The following THSD7B variants were observed in gnomAD, a reference collection of about 807,000 sequenced individuals.
The protein encoded by THSD7B is thrombospondin type 1 domain containing 7B, also known as thrombospondin type-1 domain-containing protein 7B.
In THSD7B, 138 loss-of-function variants were observed where a neutral mutation model predicts 213.6. That is an observed-to-expected ratio of 0.65 (90% confidence interval 0.56 to 0.74). The LOEUF (loss-of-function observed/expected upper bound fraction) is 0.74. THSD7B is among the 30% of genes least tolerant of loss of function. THSD7B has a pLI of 0.00. For missense variants in THSD7B, 1,931 were observed against 1,991.5 expected, an observed-to-expected ratio of 0.97 and a Z score of 0.58; for synonymous variants, 742 against 687.0, an observed-to-expected ratio of 1.08 and a Z score of -1.25.
intron 2 of THSD7B, among the ~76,000 whole-genome samples, chr2:137,038,355 G>A (rs915649059): frequency 1.1e-4 from 16 of 152,224 alleles, no homozygotes; most frequent in African/African-American, 3.9e-4. Flanking sequence ...CCTATCTGAT[G>A]AAGAAGAGCC....
chr2:137,020,701 G>A (rs1420534289), intron 2 of THSD7B, among the ~76,000 whole-genome samples: 1 of 152,116 alleles, frequency 6.6e-6, no homozygotes, highest in Middle Eastern at 3.2e-3. Context: ...GCACTCCTTC[G>A]CTTTGCCCCG....
intron 10 of THSD7B, among the ~76,000 whole-genome samples, chr2:137,251,994 C>T (rs900057856): frequency 2.0e-5 from 3 of 151,994 alleles, no homozygotes; most frequent in Non-Finnish European, 4.4e-5. Context: ...CTTGGCTGGG[C>T]GCAGTGGCTC....
intron 2 of THSD7B, among the ~76,000 whole-genome samples, chr2:137,031,982 G>C (rs1686682667): frequency 6.6e-6 from 1 of 152,014 alleles, no homozygotes; most frequent in East Asian, 1.9e-4. Flanking sequence ...TGGGACTACA[G>C]GCATGCTCCA....
At chr2:137,149,953 A>G (rs536974999) in intron 5 of THSD7B, among the ~76,000 whole-genome samples, 41 of 152,320 alleles carry the variant, frequency 2.7e-4, no homozygotes, top group Non-Finnish European at 5.4e-4. Flanking sequence ...TTGAAATGTG[A>G]AGACATGGCT....
intron 1 of THSD7B, among the ~76,000 whole-genome samples, chr2:136,790,537 G>C (rs1264581688): frequency 6.6e-6 from 1 of 152,040 alleles, no homozygotes; most frequent in Non-Finnish European, 1.5e-5. Flanking sequence ...GTAGGTAATA[G>C]AGCTTTCAAT....
chr2:137,112,621 GC>G (rs1247224395), intron 4 of THSD7B, among the ~76,000 whole-genome samples: 1 of 152,028 alleles, frequency 6.6e-6, no homozygotes, highest in African/African-American at 2.4e-5. Context: ...TTTCAAACAA[GC>G]AAAAAATAAC....
chr2:137,330,003 A>G (rs1684462126), intron 12 of THSD7B, among the ~76,000 whole-genome samples: 1 of 152,180 alleles, frequency 6.6e-6, no homozygotes, highest in Non-Finnish European at 1.5e-5. Flanking sequence ...GGCATGGCTA[A>G]AAGGGGCCAA....
chr2:137,577,572 T>C (rs1284896081), intron 17 of THSD7B, among the ~76,000 whole-genome samples: 1 of 152,088 alleles, frequency 6.6e-6, no homozygotes, highest in African/African-American at 2.4e-5. Context: ...AACATTATGA[T>C]GGGCCCTATA....
intron 7 of THSD7B, among the ~76,000 whole-genome samples, chr2:137,220,263 A>G (rs1681340064): frequency 6.6e-6 from 1 of 152,120 alleles, no homozygotes; most frequent in Non-Finnish European, 1.5e-5. Context: ...AGACTCTAAA[A>G]GGACATTTTC....
In THSD7B at chr2:137,202,789, A is replaced by G. The variant is rs544878733; in HGVS notation, c.1724-28255A>G. On this transcript the variant is annotated intron_variant, in intron 7 of 27. Transcript: ENST00000409968. The stretch of plus-strand genomic sequence containing the variant: ...GGTGGTAAGTCAAGTCTCTCCAATT[A>G]CATCTCTCTGGGATCTCAACTTCCA... 1.7e-4 allele frequency among the ~76,000 whole-genome samples: 26 copies of G among 152,260 alleles called. No homozygotes were observed. The South Asian group carries it at 3.9e-3, about 23-fold the overall frequency.
At chr2:137,469,824 G>A (rs183338228) in intron 15 of THSD7B, among the ~76,000 whole-genome samples, 8 of 152,246 alleles carry the variant, frequency 5.3e-5, no homozygotes, top group Non-Finnish European at 7.4e-5. Context: ...TGTAAGAGAT[G>A]CTTCAATGCT....
chr2:137,003,627 C>A (rs184853976), intron 2 of THSD7B, among the ~76,000 whole-genome samples: 16 of 152,136 alleles, frequency 1.1e-4, no homozygotes, highest in Admixed American at 1.0e-3. Context: ...ATTCTGACTT[C>A]CATTTGGGTC....
intron 15 of THSD7B, among the ~76,000 whole-genome samples, chr2:137,502,076 A>G (rs1305802297): frequency 1.3e-5 from 2 of 152,218 alleles, no homozygotes; most frequent in Non-Finnish European, 2.9e-5. Flanking sequence ...AATGATGTGT[A>G]GTGAAATGTT....
chr2:137,182,453 T>C (rs1402855094), intron 7 of THSD7B, among the ~76,000 whole-genome samples: 1 of 152,162 alleles, frequency 6.6e-6, no homozygotes, highest in Non-Finnish European at 1.5e-5. Flanking sequence ...CTATAGTGTA[T>C]GAAGCTGCCT....
At chr2:136,778,565 A>G (rs986619722) in intron 1 of THSD7B, among the ~76,000 whole-genome samples, 5 of 152,166 alleles carry the variant, frequency 3.3e-5, no homozygotes, top group African/African-American at 4.8e-5. Flanking sequence ...AGGGGCTCCA[A>G]AGTTCTATGA....
At chr2:136,808,364 T>A (rs1172081910) in intron 1 of THSD7B, among the ~76,000 whole-genome samples, 1 of 152,242 alleles carries the variant, frequency 6.6e-6, no homozygotes, top group Admixed American at 6.5e-5. Context: ...TGCCCATTCC[T>A]TCCTGGTTTA....
intron 15 of THSD7B, among the ~76,000 whole-genome samples, chr2:137,460,752 C>A (rs953966504): frequency 6.6e-6 from 1 of 152,022 alleles, no homozygotes; most frequent in Non-Finnish European, 1.5e-5. Context: ...TCATTAGGTA[C>A]ACAACTCTAT....
At chr2:136,793,342 G>A (rs1406585771) in intron 1 of THSD7B, among the ~76,000 whole-genome samples, 1 of 151,914 alleles carries the variant, frequency 6.6e-6, no homozygotes, top group Non-Finnish European at 1.5e-5. Context: ...ATGAAGTTGA[G>A]CATATTTTCA....
chr2:136,857,160 GC>G (rs1394053471), intron 1 of THSD7B, among the ~76,000 whole-genome samples: 1 of 152,008 alleles, frequency 6.6e-6, no homozygotes. Context: ...ACTTAAATTG[GC>G]TATATTGATT....
Sources: allele counts gnomAD v4.1 joint callset (sites outside exome capture counted in the v4.1 genomes callset), GRCh38; gene constraint gnomAD v4.1.1; transcripts MANE v1.5; gene names NCBI Gene and HGNC (gene_info 2026-07-23, HGNC 2026-07-21).